DRP2: variants seen among roughly 807,000 people sequenced by gnomAD.
DRP2 encodes dystrophin-related protein 2.
In DRP2, 29 loss-of-function variants were observed where a neutral mutation model predicts 78.2. The observed-to-expected ratio is 0.37, with a 90% confidence interval of 0.28 to 0.51. The LOEUF is 0.51. Ranked by LOEUF, DRP2 falls within the 20% of genes least tolerant of loss-of-function variation. The probability of loss-of-function intolerance (pLI) is 0.94; values close to 1 mark genes in which losing one functional copy is unlikely to be tolerated. For missense variants in DRP2, 686 were observed against 770.6 expected, an observed-to-expected ratio of 0.89 and a Z score of 1.30; for synonymous variants, 290 against 281.9, an observed-to-expected ratio of 1.03 and a Z score of -0.29.
At chrX:101,250,886 GT>G in intron 15 of DRP2, 30 bp from the exon 16 acceptor site, 1 of 1,204,608 alleles carries the variant, frequency 8.3e-7, no homozygotes, top group Non-Finnish European at 1.1e-6. Flanking sequence ...TTGGGCCTCA[GT>G]CATTCCCATT....
chrX:101,246,901 A>G (rs980382153), intron 11 of DRP2, among the ~76,000 whole-genome samples, 189 bp from the exon 12 acceptor site: 1 of 111,907 alleles, frequency 8.9e-6, no homozygotes, highest in Non-Finnish European at 1.9e-5. Context: ...GGTGATACCA[A>G]GTTGTTTTCA....
At chrX:101,258,576 G>A in intron 22 of DRP2, 30 bp downstream of exon 22, 1 of 1,142,558 alleles carries the variant, frequency 8.8e-7, no homozygotes, top group Non-Finnish European at 1.2e-6. Flanking sequence ...AAGAGCCAGG[G>A]TGGCCTCTGA....
intron 1 of DRP2, among the ~76,000 whole-genome samples, chrX:101,224,219 T>TTTTTTTG: frequency 1.2e-5 from 1 of 82,583 alleles, no homozygotes; most frequent in African/African-American, 4.8e-5. Context: ...TTTTTTTTTT[T>TTTTTTTG]TTGAGATGGA....
intron 14 of DRP2, among the ~76,000 whole-genome samples, chrX:101,248,810 T>C (rs1250414047): frequency 8.9e-6 from 1 of 112,424 alleles, no homozygotes; most frequent in South Asian, 3.7e-4. Flanking sequence ...CTATTCCCAG[T>C]GTCACTCCAA....
At chrX:101,223,191 G>A (rs1005156270) in intron 1 of DRP2, among the ~76,000 whole-genome samples, 25 of 110,900 alleles carry the variant, frequency 2.3e-4, no homozygotes, top group African/African-American at 7.6e-4. Context: ...CATAGAGACA[G>A]GGTCCTGCTA....
chrX:101,242,822 A>G, intron 8 of DRP2, 82 bp from the exon 9 acceptor site: 3 of 958,257 alleles, frequency 3.1e-6, no homozygotes, highest in Non-Finnish European at 4.4e-6. Flanking sequence ...GAGGAAGCTC[A>G]TAAAGATTCC....
chrX:101,231,054 G>A (rs1922292756), intron 2 of DRP2, among the ~76,000 whole-genome samples: 1 of 112,271 alleles, frequency 8.9e-6, no homozygotes, highest in Non-Finnish European at 1.9e-5. Flanking sequence ...ATTGTCCTCT[G>A]AACATGCTAG....
chrX:101,251,392 C>T (rs7888075), intron 16 of DRP2: 54,974 of 152,302 alleles, frequency 0.36, 7,537 homozygotes, highest in Middle Eastern at 0.47. Context: ...AACCTACTCT[C>T]TAGAAAGAAA....
intron 1 of DRP2, among the ~76,000 whole-genome samples, chrX:101,223,564 A>T (rs777850733): frequency 2.9e-4 from 33 of 112,139 alleles, no homozygotes; most frequent in African/African-American, 9.4e-4. Flanking sequence ...CTTACAGGGT[A>T]TGTGCATTGT....
chrX:101,256,236 C>G lies in DRP2; in HGVS notation c.2365C>G (p.Leu789Val). Reference sequence around the variant, plus strand: ...AAGCAAAGGGGAGCTACAGAAGATCCTGGCCCACTTGGAAGATGAGAACCG... The same window carrying G: ...AAGCAAAGGGGAGCTACAGAAGATCGTGGCCCACTTGGAAGATGAGAACCG... ...TESKGELQKI[L>V]AHLEDENRIL... The change falls in exon 21 of 24, where the codon CTG becomes GTG. Residue 789 changes from leucine (L) to valine (V), a missense_variant. Leu to Val is a conservative substitution (Grantham distance 32). Transcript: ENST00000395209. 1 of 1,199,081 alleles carries G rather than the reference C, an allele frequency of 8.3e-7. No individual in the cohort carries two copies. Among genetic ancestry groups the G allele is most frequent in the Non-Finnish European group, 1.1e-6 (1 of 890,253 alleles).
chrX:101,246,282 G>T (rs759308808), intron 11 of DRP2, among the ~76,000 whole-genome samples: 177 of 112,141 alleles, frequency 1.6e-3, no homozygotes, highest in African/African-American at 5.7e-3. Context: ...AGTCTGATTT[G>T]CTTTAAAAGA....
intron 19 of DRP2, 98 bp from the exon 20 acceptor site, chrX:101,255,086 C>A: frequency 9.4e-7 from 1 of 1,066,247 alleles, no homozygotes. Context: ...GTTGGGGCAG[C>A]TCTCAAAGCC....
intron 2 of DRP2, among the ~76,000 whole-genome samples, chrX:101,230,618 A>G (rs1922273672): frequency 9.0e-6 from 1 of 111,472 alleles, no homozygotes; most frequent in South Asian, 3.8e-4. Context: ...TGTCTACAAG[A>G]TAAAGCCTAC....
At chrX:101,225,283 CTCCATTGTA>C (rs1216218930) in intron 2 of DRP2, among the ~76,000 whole-genome samples, 2 of 111,381 alleles carry the variant, frequency 1.8e-5, no homozygotes, top group African/African-American at 6.5e-5. Flanking sequence ...CAAAAATTGT[CTCCATTGTA>C]TCCATTGTAT....
In DRP2 at chrX:101,219,830, G is replaced by A. The variant is rs1266107030; in HGVS notation, c.-483G>A. ...TAATGAATTGACATCTCCAAGAGCC[G>A]CCACATCTCTGGTAGTTTTACAAAA... On this transcript the variant is annotated 5_prime_UTR_variant, in exon 1 of 24. Transcript: ENST00000395209. The A allele has an allele frequency of 9.1e-6, 1 of 109,554 alleles. No homozygotes were observed. The highest frequency in any genetic ancestry group is 2.9e-4 in the East Asian group (1 of 3,492). The allele number at this position is 109,554 out of a possible 1,213,427, so 9.0% of individuals were successfully genotyped here. A position where few individuals can be genotyped will look rare whatever the true frequency, so the allele number is the denominator to read the frequency against.
At chrX:101,236,674 G>A (rs1922517254) in intron 4 of DRP2, among the ~76,000 whole-genome samples, 1 of 111,928 alleles carries the variant, frequency 8.9e-6, no homozygotes, top group Non-Finnish European at 1.9e-5. Context: ...CTTTGTTAGG[G>A]GTGAGGCATT....
At position 101,224,201 on chromosome X, in the gene DRP2, T is replaced by G. The variant is rs866182170; in HGVS notation, c.-166-403T>G. On this transcript the variant is annotated intron_variant, in intron 1 of 23. Transcript: ENST00000395209. The stretch of plus-strand genomic sequence containing the variant: ...TGCTGGGTTTTTTTTGTTTTTTTTT[T>G]TTTTTTTTTTTTTTTTTTTTGAGAT... Among the ~76,000 whole-genome samples, 367 of 48,225 alleles carry G rather than the reference T, an allele frequency of 7.6e-3. 3 individuals carry two copies. Among genetic ancestry groups the G allele is most frequent in the Non-Finnish European group, 0.011 (274 of 24,288 alleles). The allele number at this position is 48,225 out of a possible 115,157, so 41.9% of individuals were successfully genotyped here.
intron 21 of DRP2, among the ~76,000 whole-genome samples, chrX:101,257,429 TAAAAA>T (rs57717609): frequency 1.9e-5 from 1 of 51,440 alleles, no homozygotes; most frequent in African/African-American, 6.7e-5. Context: ...CAAGGCAAGA[TAAAAA>T]AAAAAAAAAA....
rs762484434 is a variant in DRP2 at position 101,259,425 on chromosome X, A to C, written c.2629-624A>C. 3.6e-5 allele frequency among the ~76,000 whole-genome samples: 4 copies of C among 111,540 alleles called. No homozygotes were observed. The East Asian group carries it at 8.4e-4, about 24-fold the overall frequency. On this transcript the variant is annotated intron_variant, in intron 22 of 23. Transcript: ENST00000395209. The stretch of plus-strand genomic sequence containing the variant: ...ACATTTCCAGAGAGAATTGTGTTCT[A>C]AATAGCTTAATTATAGCTGAAATGA...
Sources: gnomAD v4.1 joint callset for allele counts (sites outside exome capture counted in the v4.1 genomes callset) on GRCh38, gnomAD v4.1.1 for gene constraint, MANE v1.5 for transcripts, NCBI Gene and HGNC (gene_info 2026-07-23, HGNC 2026-07-21) for gene names.